TG: variants seen among roughly 807,000 people sequenced by gnomAD.
TG encodes the protein thyroid hormones.
A neutral mutation model predicts 324.7 loss-of-function variants in TG; 270 were observed. The ratio of observed to expected loss-of-function variants is 0.83; its 90% CI spans 0.75 to 0.92. TG has a LOEUF of 0.92. TG is among the 40% of genes least tolerant of loss of function. TG has a pLI of 0.00. For synonymous variants in TG, 1,401 were observed against 1,327.0 expected, an observed-to-expected ratio of 1.06 and a Z score of -1.21; for missense variants, 3,591 against 3,456.4, an observed-to-expected ratio of 1.04 and a Z score of -0.98.
chr8:133,131,545 C>T (rs1851949896), intron 45 of TG, among the ~76,000 whole-genome samples: 1 of 152,176 alleles, frequency 6.6e-6, no homozygotes, highest in Non-Finnish European at 1.5e-5. Context: ...AGGTTTCTCG[C>T]AGGCATTATT....
chr8:133,081,578 G>GGAA (rs765338790), intron 41 of TG, among the ~76,000 whole-genome samples: 13 of 143,296 alleles, frequency 9.1e-5, no homozygotes, highest in African/African-American at 2.1e-4. Flanking sequence ...ATTATTCTCA[G>GGAA]GAAGAAGAAG....
intron 37 of TG, among the ~76,000 whole-genome samples, chr8:133,014,268 C>A (rs1205958049): frequency 6.6e-6 from 1 of 152,214 alleles, no homozygotes; most frequent in Non-Finnish European, 1.5e-5. Flanking sequence ...GCCTAACTAT[C>A]GCATCTAAAC....
intron 43 of TG, chr8:133,102,679 C>A: frequency 1.0e-6 from 1 of 981,006 alleles, no homozygotes; most frequent in Non-Finnish European, 1.6e-6. Flanking sequence ...CCCCTTTTCT[C>A]TTTCTTTCTA....
intron 20 of TG, among the ~76,000 whole-genome samples, chr8:132,915,008 T>C (rs1820084122): frequency 1.3e-5 from 2 of 152,172 alleles, no homozygotes; most frequent in Admixed American, 6.5e-5. Flanking sequence ...GTGTGGTGTG[T>C]ATACATGTGT....
chr8:132,907,025 A>C (rs977326857), intron 17 of TG, 125 bp downstream of exon 17: 5 of 1,028,160 alleles, frequency 4.9e-6, no homozygotes, highest in Admixed American at 2.0e-5. Flanking sequence ...GGTATGCCAG[A>C]TGGCACCAAG....
chr8:133,113,803 G>T (rs1165551521), intron 44 of TG, 200 bp downstream of exon 44: 6 of 627,608 alleles, frequency 9.6e-6, no homozygotes, highest in African/African-American at 3.7e-5. Context: ...GGACCCTGCT[G>T]CCAGGAAACC....
intron 41 of TG, among the ~76,000 whole-genome samples, chr8:133,067,874 GGAA>G (rs1843278961): frequency 3.6e-5 from 1 of 27,956 alleles, no homozygotes; most frequent in African/African-American, 1.3e-4. Context: ...AAGAAAGGAA[GGAA>G]GGAAGGAAGT....
chr8:133,069,349 C>A (rs965933607), intron 41 of TG, among the ~76,000 whole-genome samples: 17 of 152,262 alleles, frequency 1.1e-4, no homozygotes, highest in Admixed American at 5.9e-4. Flanking sequence ...GTGACCTGAT[C>A]TGGGATCTCC....
In TG at chr8:132,886,994, A is replaced by G. The variant is rs762724774; in HGVS notation, c.1622A>G (p.Asp541Gly). ...STGTPEAAKKDGTMNKPTVGS... is the reference protein window; with the variant it reads ...STGTPEAAKKGGTMNKPTVGS... ...GGAACCCCTGAAGCTGCTAAGAAGG[A>G]TGGTACTATGAATAAGCCAACTGTG... The change falls in exon 9 of 48, where the codon GAT becomes GGT. Residue 541 changes from aspartate to glycine, a missense_variant. By Grantham distance (94) the Asp-to-Gly change is moderately conservative (BLOSUM62 -1). Transcript: ENST00000220616. The G allele has an allele frequency of 6.2e-7, 1 of 1,614,096 alleles. No individual in the cohort carries two copies. Among genetic ancestry groups the G allele is most frequent in the Non-Finnish European group, 8.5e-7 (1 of 1,180,052 alleles).
At chr8:133,045,655 A>T (rs1306900282) in intron 41 of TG, among the ~76,000 whole-genome samples, 2 of 151,994 alleles carry the variant, frequency 1.3e-5, no homozygotes, top group Admixed American at 6.5e-5. Flanking sequence ...TCGGCCTCCC[A>T]AAGTGCTGGG....
In TG at chr8:132,886,527, G is replaced by A. The variant is rs761146231; in HGVS notation, c.1155G>A (p.Gln385=). The change falls in exon 9 of 48, where the codon CAG becomes CAA. Residue 385 remains glutamine, a synonymous_variant. Coordinates refer to ENST00000220616, the MANE Select transcript of TG (RefSeq NM_003235.5). ...LYFGTSGYFS[Q]HDLFSSPEKR... ...TTGGGACCTCAGGCTACTTCAGCCAGCACGACCTGTTCTCTTCCCCAGAGA... is the reference window on the plus strand; with the variant it reads ...TTGGGACCTCAGGCTACTTCAGCCAACACGACCTGTTCTCTTCCCCAGAGA... 2.7e-5 allele frequency: 43 copies of A among 1,614,188 alleles called. No homozygotes were observed. The highest frequency in any genetic ancestry group is 3.4e-5 in the Non-Finnish European group (40 of 1,180,032).
rs1815588571 is a variant in TG, at chr8:132,887,491, G to A, written c.2119G>A (p.Asp707Asn). ...QCFNSECYCV[D>N]AEGQAIPGTR... ...CTTCAACTCAGAGTGCTACTGTGTT[G>A]ATGCTGAGGGTCAGGCCATTCCTGG... Residue 707 changes from aspartate (D) to asparagine (N), a missense_variant, in exon 9 of 48, where the codon GAT becomes AAT. Coordinates refer to ENST00000220616, the MANE Select transcript of TG (RefSeq NM_003235.5). 6.2e-7 allele frequency: 1 copy of A among 1,614,196 alleles called. No homozygotes were observed. Among genetic ancestry groups the A allele is most frequent in the South Asian group, 1.1e-5 (1 of 91,084 alleles).
At chr8:132,987,822 C>T (rs927122190) in intron 35 of TG, among the ~76,000 whole-genome samples, 1 of 152,022 alleles carries the variant, frequency 6.6e-6, no homozygotes, top group South Asian at 2.1e-4. Context: ...TCTGGAAAGA[C>T]TTTCTAAAAC....
chr8:132,871,547 G>T lies in TG; in HGVS notation c.474G>T (p.Lys158Asn). ...VYGTRQLGRPKRCPRSCEIRN... is the reference protein window; with the variant it reads ...VYGTRQLGRPNRCPRSCEIRN... ...GGACCCGCCAGCTGGGGAGGCCAAA[G>T]CGATGTGAGTTTCACTGAGCGCCTG... The change falls in exon 4 of 48, where the codon AAG becomes AAT. Residue 158 changes from lysine (K) to asparagine (N), a missense_variant. By Grantham distance (94) the Lys-to-Asn change is moderately conservative. Transcript: ENST00000220616. 2 of 1,613,538 alleles carry T rather than the reference G, an allele frequency of 1.2e-6. No individual in the cohort carries two copies. Among genetic ancestry groups the T allele is most frequent in the Non-Finnish European group, 1.7e-6 (2 of 1,179,494 alleles).
chr8:132,910,312 CA>C (rs1563943074), intron 18 of TG, among the ~76,000 whole-genome samples: 1 of 152,184 alleles, frequency 6.6e-6, no homozygotes, highest in Non-Finnish European at 1.5e-5. Flanking sequence ...GGCTGAGGGC[CA>C]GGGCCACGTC....
intron 4 of TG, among the ~76,000 whole-genome samples, chr8:132,872,339 G>A (rs990388120): frequency 1.3e-5 from 2 of 151,734 alleles, no homozygotes; most frequent in African/African-American, 2.4e-5. Context: ...TTAGCCGGGC[G>A]TGGTGGCGGG....
chr8:132,904,575 A>G (rs1300833675), intron 16 of TG, among the ~76,000 whole-genome samples: 1 of 152,104 alleles, frequency 6.6e-6, no homozygotes, highest in African/African-American at 2.4e-5. Context: ...ACTTCATTTC[A>G]GTGACATGGG....
chr8:132,905,854 A>G lies in TG; in HGVS notation c.3635-834A>G, dbSNP rs1818598219. On this transcript the variant is annotated intron_variant, in intron 16 of 47. Transcript: ENST00000220616. ...CAGTGGTAGAAAACAGAACGTGTTGAGTTGATATTTGAGGGTCAAAAAGGA... is the reference window on the plus strand; with the variant it reads ...CAGTGGTAGAAAACAGAACGTGTTGGGTTGATATTTGAGGGTCAAAAAGGA... Among the ~76,000 whole-genome samples the G allele has an allele frequency of 2.0e-5, 3 of 152,134 alleles. No individual in the cohort carries two copies. The South Asian group carries it at 6.2e-4, about 32-fold the overall frequency.
intron 8 of TG, 29 bp downstream of exon 8, chr8:132,883,028 C>T (rs1307328930): frequency 4.4e-6 from 7 of 1,608,256 alleles, no homozygotes; most frequent in Admixed American, 1.7e-5. Context: ...CTTCCTCTTT[C>T]GGCCTCGGAT....
Sources: gnomAD v4.1 joint callset for allele counts (sites outside exome capture counted in the v4.1 genomes callset) on GRCh38, gnomAD v4.1.1 for gene constraint, MANE v1.5 for transcripts, NCBI Gene and HGNC (gene_info 2026-07-23, HGNC 2026-07-21) for gene names.